BLK: variants seen among roughly 807,000 people sequenced by gnomAD.
BLK encodes BLK proto-oncogene, Src family tyrosine kinase, also known as tyrosine-protein kinase Blk.
A neutral mutation model predicts 61.8 loss-of-function variants in BLK; 64 were observed. That is an observed-to-expected ratio of 1.03 (90% confidence interval 0.85 to 1.27). The LOEUF is 1.27. Among genes scored for constraint, BLK ranks in the 50% most tolerant of loss-of-function variants. BLK has a pLI of 0.00. For synonymous variants in BLK, 351 were observed against 272.0 expected, an observed-to-expected ratio of 1.29 and a Z score of -2.86; for missense variants, 853 against 660.5, an observed-to-expected ratio of 1.29 and a Z score of -3.19.
At position 11,512,919 on chromosome 8, in the gene BLK, G is replaced by T. The variant is rs561996178; in HGVS notation, c.-2+18328G>T. Among the ~76,000 whole-genome samples, 9 of 152,234 alleles carry T rather than the reference G, an allele frequency of 5.9e-5. No individual in the cohort carries two copies. The East Asian group carries it at 1.7e-3, about 29-fold the overall frequency. On this transcript the variant is annotated intron_variant, in intron 1 of 12. Coordinates refer to ENST00000259089, the MANE Select transcript of BLK (RefSeq NM_001715.3). ...TGACCTCAAGTGATCTGCCCGCTTC[G>T]GCCTCCCAGACTGCTGGGATTACAG...
Position 11,504,826 on chromosome 8 carries a change from G to A in BLK, c.-2+10235G>A, listed in dbSNP as rs1258776495. ...CAGCATGTGGTGTTTGGCCTAAGTGGCCCATGTGGACTTTGTTTCAAGGAT... is the reference window on the plus strand; with the variant it reads ...CAGCATGTGGTGTTTGGCCTAAGTGACCCATGTGGACTTTGTTTCAAGGAT... On this transcript the variant is annotated intron_variant, in intron 1 of 12. Coordinates refer to ENST00000259089, the MANE Select transcript of BLK (RefSeq NM_001715.3). 2.0e-5 allele frequency among the ~76,000 whole-genome samples: 3 copies of A among 152,322 alleles called. No individual in the cohort carries two copies. In the East Asian group the frequency reaches 5.8e-4, roughly 29 times the overall value.
At position 11,551,210 on chromosome 8, in the gene BLK, C is replaced by G. The variant is rs139473374; in HGVS notation, c.472+948C>G. ...ATTCTATGTTAGTTTCCTGGGCTGCCGTAACAAAGTGGCACAGACTGGGTG... is the reference window on the plus strand; with the variant it reads ...ATTCTATGTTAGTTTCCTGGGCTGCGGTAACAAAGTGGCACAGACTGGGTG... On this transcript the variant is annotated intron_variant, in intron 6 of 12. Transcript: ENST00000259089. Among the ~76,000 whole-genome samples the G allele has an allele frequency of 1.9e-4, 29 of 152,254 alleles. No homozygotes were observed. The East Asian group carries it at 5.6e-3, about 29-fold the overall frequency.
intron 1 of BLK, among the ~76,000 whole-genome samples, chr8:11,515,038 C>G (rs1189834753): frequency 1.3e-5 from 2 of 152,158 alleles, no homozygotes; most frequent in African/African-American, 2.4e-5. Flanking sequence ...AGCTGCTGCT[C>G]TGAGATTCTT....
At chr8:11,520,577 A>G (rs1799410684) in intron 1 of BLK, among the ~76,000 whole-genome samples, 1 of 152,028 alleles carries the variant, frequency 6.6e-6, no homozygotes, top group South Asian at 2.1e-4. Flanking sequence ...GCATCCCTGT[A>G]AAAGCTTGTT....
chr8:11,530,302 T>C (rs1330372028), intron 1 of BLK, among the ~76,000 whole-genome samples: 1 of 152,194 alleles, frequency 6.6e-6, no homozygotes, highest in Non-Finnish European at 1.5e-5. Flanking sequence ...CCAACAAAGC[T>C]TGGAGTTCCT....
chr8:11,563,149 C>T (rs753448711), intron 12 of BLK, 39 bp downstream of exon 12: 1 of 1,612,348 alleles, frequency 6.2e-7, no homozygotes, highest in Non-Finnish European at 8.5e-7. Flanking sequence ...TCCCTGCTTT[C>T]CCGGCCGGCC....
chr8:11,556,277 C>T (rs970878693), intron 8 of BLK: 10 of 335,638 alleles, frequency 3.0e-5, no homozygotes, highest in African/African-American at 1.7e-4. Flanking sequence ...ATGCGTCATC[C>T]TCCTGCCCAG....
At chr8:11,554,645 G>T in intron 6 of BLK, 98 bp from the exon 7 acceptor site, 1 of 1,441,312 alleles carries the variant, frequency 6.9e-7, no homozygotes, top group Non-Finnish European at 9.6e-7. Context: ...AACAGAATTG[G>T]GGAACTTTTT....
chr8:11,523,010 CA>C (rs989952366), intron 1 of BLK, among the ~76,000 whole-genome samples: 77 of 151,712 alleles, frequency 5.1e-4, no homozygotes, highest in African/African-American at 1.8e-3. Context: ...GAAAGTGTAC[CA>C]AAATATGAAT....
chr8:11,508,778 G>T (rs185250597), intron 1 of BLK, among the ~76,000 whole-genome samples: 3 of 152,202 alleles, frequency 2.0e-5, no homozygotes, highest in Non-Finnish European at 4.4e-5. Flanking sequence ...TGACCCAAAC[G>T]CAACTGTGAT....
chr8:11,547,978 C>T (rs1020461493), intron 3 of BLK, 54 bp from the exon 4 acceptor site: 2 of 1,503,744 alleles, frequency 1.3e-6, no homozygotes, highest in African/African-American at 1.4e-5. Context: ...ACCCCAGCCC[C>T]ACCTTCCCGC....
Position 11,546,189 on chromosome 8 carries a change from G to C in BLK, c.175+86G>C, listed in dbSNP as rs1459291721. ...GTGGAGTTGGAAAAAGGTTGAGTCA[G>C]GAGCAGCTTGAGGGCTGGAGAAGAG... On this transcript the variant is annotated intron_variant, in intron 3 of 12. Coordinates refer to ENST00000259089, the MANE Select transcript of BLK (RefSeq NM_001715.3). The C allele has an allele frequency of 2.0e-6, 3 of 1,507,062 alleles. No individual in the cohort carries two copies. The East Asian group carries it at 6.8e-5, about 34-fold the overall frequency. 93.4% of individuals were successfully genotyped at this position (1,507,062 alleles called of 1,614,324 possible). A position where few individuals can be genotyped will look rare whatever the true frequency, so the allele number is the denominator to read the frequency against.
At chr8:11,518,751 C>G (rs1239997517) in intron 1 of BLK, among the ~76,000 whole-genome samples, 2 of 152,118 alleles carry the variant, frequency 1.3e-5, no homozygotes, top group East Asian at 3.9e-4. Flanking sequence ...CCAACCCTTC[C>G]CCAGCTGGTC....
At chr8:11,520,476 C>CAA (rs71203393) in intron 1 of BLK, among the ~76,000 whole-genome samples, 25 of 69,666 alleles carry the variant, frequency 3.6e-4, no homozygotes, top group South Asian at 1.1e-3. Context: ...GACCTTGTCT[C>CAA]AAAAAAAAAA....
chr8:11,512,557 C>T (rs570438621), intron 1 of BLK, among the ~76,000 whole-genome samples: 2 of 152,332 alleles, frequency 1.3e-5, no homozygotes, highest in South Asian at 4.1e-4. Context: ...TCCTTTAAGG[C>T]AGGCAGAAAA....
intron 7 of BLK, 29 bp downstream of exon 7, chr8:11,554,918 G>T (rs1801126869): frequency 6.2e-7 from 1 of 1,607,804 alleles, no homozygotes. Flanking sequence ...TGGGGGCAGG[G>T]ACTTGTGCCA....
chr8:11,508,505 C>T (rs112973882), intron 1 of BLK, among the ~76,000 whole-genome samples: 1 of 152,238 alleles, frequency 6.6e-6, no homozygotes, highest in Non-Finnish European at 1.5e-5. Context: ...GAGCCACATT[C>T]CTGTCCACGC....
intron 1 of BLK, among the ~76,000 whole-genome samples, chr8:11,501,356 T>TC (rs371701633): frequency 0.018 from 321 of 18,152 alleles, 3 homozygotes; most frequent in Admixed American, 0.038. Flanking sequence ...ACTCTCTCTC[T>TC]TTTTTTTTTT....
chr8:11,559,773 A>G (rs1294726488), intron 10 of BLK: 1 of 456,016 alleles, frequency 2.2e-6, no homozygotes, highest in Non-Finnish European at 4.4e-6. Context: ...GAAGCCTTGA[A>G]CACTTCCCAC....
Sources: allele counts gnomAD v4.1 joint callset (sites outside exome capture counted in the v4.1 genomes callset), GRCh38; gene constraint gnomAD v4.1.1; transcripts MANE v1.5; gene names NCBI Gene and HGNC (gene_info 2026-07-23, HGNC 2026-07-21).